Variants in DCTN3 observed in about 807,000 individuals in gnomAD.
DCTN3 encodes the protein dynactin 3 (p22).
DCTN3 carries 25 observed loss-of-function variants against 28.4 expected under a neutral mutation model. That is an observed-to-expected ratio of 0.88 (90% CI 0.64 to 1.23). The LOEUF is 1.23. Ranked by LOEUF, DCTN3 falls within the 50% of genes most tolerant of loss-of-function variation. The probability of loss-of-function intolerance (pLI) is 0.00; values close to 1 mark genes in which losing one functional copy is unlikely to be tolerated. For synonymous variants in DCTN3, 81 were observed against 91.4 expected (o/e 0.89, Z 0.65); for missense variants, 229 against 232.0 (o/e 0.99, Z 0.08).
rs556543161 is a variant in DCTN3, at chr9:34,618,684, T to A, written c.173A>T (p.Tyr58Phe). Residue 58 changes from tyrosine (Y) to phenylalanine (F), a missense_variant, in exon 2 of 7, where the codon TAC becomes TTC. Tyr to Phe is a conservative substitution (Grantham distance 22). Transcript: ENST00000259632. ...SSKRERVKIL[Y>F]KKIEDLIKYL... is the part of the protein sequence containing the mutation. ...ATCATGGAAGCACTTACTCTTTTTG[T>A]AGAGAATCTTCACCCTCTCCCTCTT... 3.8e-5 allele frequency: 62 copies of A among 1,613,814 alleles called. No homozygotes were observed. The highest frequency in any genetic ancestry group is 5.2e-5 in the Non-Finnish European group (61 of 1,179,830).
intron 3 of DCTN3, among the ~76,000 whole-genome samples, chr9:34,617,383 G>A (rs1203418736): frequency 6.6e-6 from 1 of 152,200 alleles, no homozygotes; most frequent in East Asian, 1.9e-4. Flanking sequence ...TCTTTTGGAT[G>A]AATAACGAAG....
chr9:34,614,855 G>C, intron 4 of DCTN3, 87 bp from the exon 5 acceptor site: 2 of 1,517,614 alleles, frequency 1.3e-6, no homozygotes, highest in East Asian at 2.3e-5. Context: ...GGCAGGATTA[G>C]AGTATTGAGT....
chr9:34,614,969 G>C, intron 4 of DCTN3: 2 of 606,788 alleles, frequency 3.3e-6, no homozygotes, highest in Non-Finnish European at 5.7e-6. Flanking sequence ...TAGGGGAGGG[G>C]AAGATACATG....
rs1228169708 is a variant in DCTN3, at chr9:34,613,873, TG to T, written c.472-3del. ...GAATTGCTTGGAGAGAAGCATTGTC[TG>T]GTTGTAGGTCAAGGTGAGAATAGGA... On this transcript the variant is annotated splice_polypyrimidine_tract_variant and splice_region_variant and intron_variant, in intron 6 of 6. Transcript: ENST00000259632. 6.2e-7 allele frequency: 1 copy of T among 1,614,116 alleles called. No individual in the cohort carries two copies. The highest frequency in any genetic ancestry group is 1.1e-5 in the South Asian group (1 of 91,016).
chr9:34,618,010 G>A, intron 2 of DCTN3, 39 bp from the exon 3 acceptor site: 1 of 1,594,354 alleles, frequency 6.3e-7, no homozygotes, highest in South Asian at 1.1e-5. Flanking sequence ...ATAGGGTTGG[G>A]CAGTAGAGCT....
chr9:34,618,644 C>T (rs3802427), intron 2 of DCTN3, 32 bp downstream of exon 2: 276,349 of 1,569,298 alleles, frequency 0.18, 25,640 homozygotes, highest in East Asian at 0.31. Context: ...GGTGGGATGT[C>T]GGGCAGGCAG....
Position 34,613,881 on chromosome 9 carries a change from G to T in DCTN3, c.472-10C>A. On this transcript the variant is annotated splice_polypyrimidine_tract_variant and intron_variant, in intron 6 of 6. Transcript: ENST00000259632. ...TGGAGAGAAGCATTGTCTGGTTGTA[G>T]GTCAAGGTGAGAATAGGAATCTGAG... The T allele has an allele frequency of 6.2e-7, 1 of 1,614,100 alleles. No individual in the cohort carries two copies. The highest frequency in any genetic ancestry group is 1.1e-5 in the South Asian group (1 of 90,984).
intron 3 of DCTN3, among the ~76,000 whole-genome samples, chr9:34,617,326 T>C (rs968695612): frequency 6.6e-6 from 1 of 152,166 alleles, no homozygotes. Flanking sequence ...ACTGTATGCT[T>C]CCTCACTTAG....
In DCTN3 at chr9:34,617,973, T is replaced by C. The variant is rs1164574967; in HGVS notation, c.182-2A>G. ...CCAGGTACTTGATCAGATCTTCAACTAGAAAAGTAGCAAGATGGAAAATGG... is the reference window on the plus strand; with the variant it reads ...CCAGGTACTTGATCAGATCTTCAACCAGAAAAGTAGCAAGATGGAAAATGG... On this transcript the variant is annotated splice_acceptor_variant, in intron 2 of 6. Transcript: ENST00000259632. LOFTEE classifies it high-confidence loss of function. The C allele has an allele frequency of 3.7e-6, 6 of 1,612,126 alleles. No individual in the cohort carries two copies. Among genetic ancestry groups the C allele is most frequent in the Non-Finnish European group, 1.7e-6 (2 of 1,178,428 alleles).
At position 34,617,937 on chromosome 9, in the gene DCTN3, G is replaced by A. The variant is rs1182854183; in HGVS notation, c.216C>T (p.Tyr72=). The change falls in exon 3 of 7, where the codon TAC becomes TAT. Residue 72 remains tyrosine, a synonymous_variant. Coordinates refer to ENST00000259632, the MANE Select transcript of DCTN3 (RefSeq NM_007234.5). ...EDLIKYLDPE[Y]IDRIAIPDAS... is the part of the protein sequence containing the mutation. ...CATCAGGTATGGCAATGCGGTCGAT[G>A]TACTCAGGATCCAGGTACTTGATCA... 1.9e-6 allele frequency: 3 copies of A among 1,613,826 alleles called. No individual in the cohort carries two copies. Among genetic ancestry groups the A allele is most frequent in the African/African-American group, 2.7e-5 (2 of 74,930 alleles).
rs904324150 is a variant in DCTN3, at chr9:34,616,363, G to T, written c.269-250C>A. The T allele has an allele frequency of 3.0e-5, 11 of 365,472 alleles. No homozygotes were observed. The highest frequency in any genetic ancestry group is 4.6e-5 in the Non-Finnish European group (9 of 197,750). 22.6% of individuals were successfully genotyped at this position (365,472 alleles called of 1,614,324 possible). The stretch of plus-strand genomic sequence containing the variant: ...TCTCCAAATCCCACCTTTCTCCAAG[G>T]TTTAACTTCAAGACCTCTTCTTCTA... On this transcript the variant is annotated intron_variant, in intron 3 of 6. Transcript: ENST00000259632. The surrounding 1 kb of genome is among the most constrained non-coding windows in gnomAD (Gnocchi z 4.7).
In DCTN3 at chr9:34,620,386, C is replaced by A; in HGVS notation, c.79G>T (p.Ala27Ser). ...LERWVYGPGGARGSRKVADGL... is the reference protein window; with the variant it reads ...LERWVYGPGGSRGSRKVADGL... Reference sequence around the variant, plus strand: ...CTACTCACCTTCCGTGAGCCGCGCGCCCCGCCCGGCCCGTACACCCAGCGC... The same window carrying A: ...CTACTCACCTTCCGTGAGCCGCGCGACCCGCCCGGCCCGTACACCCAGCGC... Residue 27 changes from alanine (A) to serine (S), a missense_variant, in exon 1 of 7, where the codon GCG becomes TCG. Physicochemically the swap from Ala to Ser is moderately conservative, Grantham distance 99 (BLOSUM62 1). Coordinates refer to ENST00000259632, the MANE Select transcript of DCTN3 (RefSeq NM_007234.5). 1 of 1,602,412 alleles carries A rather than the reference C, an allele frequency of 6.2e-7. No individual in the cohort carries two copies. The highest frequency in any genetic ancestry group is 8.5e-7 in the Non-Finnish European group (1 of 1,175,042).
chr9:34,613,769 TG>T lies in DCTN3; in HGVS notation c.*12del. ...CTGACTGCCCAGGCCCACTTTGGGA[TG>T]GGGAGCAGCTATCACTCCTCTGCTG... On this transcript the variant is annotated 3_prime_UTR_variant, in exon 7 of 7. Transcript: ENST00000259632. The T allele has an allele frequency of 6.2e-7, 1 of 1,613,388 alleles. No homozygotes were observed. Among genetic ancestry groups the T allele is most frequent in the Non-Finnish European group, 8.5e-7 (1 of 1,179,648 alleles).
Position 34,620,475 on chromosome 9 carries a change from G to T in DCTN3, c.-11C>A, listed in dbSNP as rs372180175. On this transcript the variant is annotated 5_prime_UTR_variant, in exon 1 of 7. Coordinates refer to ENST00000259632, the MANE Select transcript of DCTN3 (RefSeq NM_007234.5). ...AGTCAGACCCGCCATCGCTACTACC[G>T]ACCCACCTCGGCCAGGAAACAGCCA... The T allele has an allele frequency of 2.8e-4, 439 of 1,548,126 alleles. 1 individual carries two copies. The African/African-American group carries it at 5.4e-3, about 19-fold the overall frequency.
intron 4 of DCTN3, 183 bp downstream of exon 4, chr9:34,615,847 G>C: frequency 2.1e-6 from 1 of 475,276 alleles, no homozygotes; most frequent in South Asian, 2.8e-5. Flanking sequence ...GTTGCAGTGA[G>C]TCAAGATCAT....
At chr9:34,617,833 TC>T (rs1368909179) in intron 3 of DCTN3, 51 bp downstream of exon 3, 1 of 1,608,166 alleles carries the variant, frequency 6.2e-7, no homozygotes, top group Non-Finnish European at 8.5e-7. Context: ...GTGCTTAACC[TC>T]CCCGACGACC....
Position 34,614,073 on chromosome 9 carries a change from G to C in DCTN3, c.440C>G (p.Ser147Cys). 1 of 1,613,620 alleles carries C rather than the reference G, an allele frequency of 6.2e-7. No individual in the cohort carries two copies. The highest frequency in any genetic ancestry group is 1.7e-4 in the Middle Eastern group (1 of 6,058). The change falls in exon 6 of 7, where the codon TCC (serine) becomes TGC (cysteine). Residue 147 changes from serine (S) to cysteine (C), a missense_variant. Coordinates refer to ENST00000259632, the MANE Select transcript of DCTN3 (RefSeq NM_007234.5). ...GTTGTATTCCTCCAGGAGAGCCTTGGACTCCTCAGTGATTTCCACACACTG... is the reference window on the plus strand; with the variant it reads ...GTTGTATTCCTCCAGGAGAGCCTTGCACTCCTCAGTGATTTCCACACACTG... ...QDQCVEITEE[S>C]KALLEEYNKT...
chr9:34,617,694 C>A (rs1384617171), intron 3 of DCTN3, 191 bp downstream of exon 3: 1 of 1,489,738 alleles, frequency 6.7e-7, no homozygotes, highest in Non-Finnish European at 9.0e-7. Context: ...GCAGCTGGTG[C>A]AGAGGTATAC....
At position 34,613,728 on chromosome 9, in the gene DCTN3, C is replaced by T; in HGVS notation, c.*54G>A. Reference sequence around the variant, plus strand: ...CTGCCTTGTAACAAAGGCAGGTTGGCATAGGGCCCTGGAGCCTGACTGCCC... The same window carrying T: ...CTGCCTTGTAACAAAGGCAGGTTGGTATAGGGCCCTGGAGCCTGACTGCCC... On this transcript the variant is annotated 3_prime_UTR_variant, in exon 7 of 7. Transcript: ENST00000259632. 1 of 1,608,598 alleles carries T rather than the reference C, an allele frequency of 6.2e-7. No individual in the cohort carries two copies. Among genetic ancestry groups the T allele is most frequent in the Non-Finnish European group, 8.5e-7 (1 of 1,177,162 alleles).
Sources: allele counts gnomAD v4.1 joint callset (sites outside exome capture counted in the v4.1 genomes callset), GRCh38; gene constraint gnomAD v4.1.1; non-coding constraint Gnocchi (gnomAD v3.1); transcripts MANE v1.5; gene names NCBI Gene and HGNC (gene_info 2026-07-23, HGNC 2026-07-21).